Variants in GPR158 observed in about 807,000 individuals in gnomAD.
The protein encoded by GPR158 is metabotropic glycine receptor.
In GPR158, 30 loss-of-function variants were observed where a neutral mutation model predicts 78.2. That is an observed-to-expected ratio of 0.38 (90% confidence interval 0.29 to 0.52). The LOEUF is 0.52. GPR158 is among the 20% of genes least tolerant of loss of function. The pLI is 0.83. For missense variants in GPR158, 1,463 were observed against 1,523.5 expected, an observed-to-expected ratio of 0.96 and a Z score of 0.66; for synonymous variants, 581 against 591.1, an observed-to-expected ratio of 0.98 and a Z score of 0.25.
chr10:25,227,093 TGA>T (rs1417284515), intron 2 of GPR158, among the ~76,000 whole-genome samples: 1 of 152,220 alleles, frequency 6.6e-6, no homozygotes, highest in Non-Finnish European at 1.5e-5. Flanking sequence ...GGTATTTTTT[TGA>T]GTTTTCCACT....
intron 2 of GPR158, among the ~76,000 whole-genome samples, chr10:25,287,045 A>G (rs139830415): frequency 7.7e-4 from 117 of 152,088 alleles, no homozygotes; most frequent in African/African-American, 2.8e-3. Context: ...TATAGTTCTA[A>G]TTAAGCATCT....
At chr10:25,506,452 T>C (rs1836015264) in intron 5 of GPR158, among the ~76,000 whole-genome samples, 1 of 152,208 alleles carries the variant, frequency 6.6e-6, no homozygotes, top group Non-Finnish European at 1.5e-5. Flanking sequence ...TAAATAAGCA[T>C]ATGAAAATAT....
chr10:25,586,487 T>C (rs1837270596), intron 7 of GPR158, among the ~76,000 whole-genome samples: 1 of 141,096 alleles, frequency 7.1e-6, no homozygotes, highest in Admixed American at 7.8e-5. Context: ...CACTGAGGCC[T>C]CCACCTCCTG....
At chr10:25,380,819 T>C (rs181416036) in intron 2 of GPR158, among the ~76,000 whole-genome samples, 149 of 152,280 alleles carry the variant, frequency 9.8e-4, no homozygotes, top group African/African-American at 3.5e-3. Flanking sequence ...TATTGAGTGA[T>C]TATAGAGGCT....
At chr10:25,279,569 A>G (rs1271686008) in intron 2 of GPR158, among the ~76,000 whole-genome samples, 1 of 152,216 alleles carries the variant, frequency 6.6e-6, no homozygotes, top group Non-Finnish European at 1.5e-5. Flanking sequence ...ACAGTTATTT[A>G]AATTAAGACA....
chr10:25,413,724 G>A (rs559209660), intron 4 of GPR158, among the ~76,000 whole-genome samples: 58 of 152,240 alleles, frequency 3.8e-4, no homozygotes, highest in South Asian at 2.3e-3. Context: ...TAAAGCCTCT[G>A]TTGAGATTCT....
chr10:25,185,771 C>A (rs1035445739), intron 1 of GPR158, among the ~76,000 whole-genome samples: 5 of 151,506 alleles, frequency 3.3e-5, no homozygotes, highest in African/African-American at 1.2e-4. Flanking sequence ...TGCAGTGAGC[C>A]GAGATGGCAC....
Position 25,395,895 on chromosome 10 carries a change from C to T in GPR158, c.1009-16C>T, listed in dbSNP as rs775860988. ...AAGCCATGATCAACTATGTTGCTGT[C>T]TTTTCTTCTTCATAGTGTATGCCAA... On this transcript the variant is annotated splice_polypyrimidine_tract_variant and intron_variant, in intron 2 of 10. Transcript: ENST00000376351. 3.8e-6 allele frequency: 5 copies of T among 1,326,578 alleles called. No homozygotes were observed. Among genetic ancestry groups the T allele is most frequent in the Non-Finnish European group, 5.4e-6 (5 of 919,284 alleles). 82.2% of individuals were successfully genotyped at this position (1,326,578 alleles called of 1,614,324 possible). A position where few individuals can be genotyped will look rare whatever the true frequency, so the allele number is the denominator to read the frequency against.
At chr10:25,336,482 C>A (rs1320248525) in intron 2 of GPR158, among the ~76,000 whole-genome samples, 2 of 151,974 alleles carry the variant, frequency 1.3e-5, no homozygotes, top group Non-Finnish European at 2.9e-5. Context: ...TACTTTCCCC[C>A]CAGTGCCTCA....
intron 2 of GPR158, among the ~76,000 whole-genome samples, chr10:25,316,996 T>A (rs1364571884): frequency 1.3e-5 from 2 of 151,580 alleles, no homozygotes; most frequent in East Asian, 3.9e-4. Context: ...ATTATACATA[T>A]CCATTCTTTG....
At chr10:25,181,556 A>G (rs897037518) in intron 1 of GPR158, among the ~76,000 whole-genome samples, 1 of 152,172 alleles carries the variant, frequency 6.6e-6, no homozygotes, top group Non-Finnish European at 1.5e-5. Flanking sequence ...AGAAGTTGAT[A>G]CCAGCCTGGA....
chr10:25,371,948 A>G (rs1255544025), intron 2 of GPR158, among the ~76,000 whole-genome samples: 1 of 150,474 alleles, frequency 6.6e-6, no homozygotes, highest in African/African-American at 2.5e-5. Context: ...AATTTTCGCA[A>G]CCTACTCATC....
intron 2 of GPR158, among the ~76,000 whole-genome samples, chr10:25,288,583 G>T (rs1269593633): frequency 2.0e-5 from 3 of 152,208 alleles, no homozygotes; most frequent in African/African-American, 7.2e-5. Context: ...CAGCTCAAAT[G>T]ATGGAGAGGA....
intron 8 of GPR158, among the ~76,000 whole-genome samples, chr10:25,592,215 ATGAC>A (rs1837350811): frequency 6.6e-6 from 1 of 152,028 alleles, no homozygotes; most frequent in Non-Finnish European, 1.5e-5. Flanking sequence ...ATTAAAAACT[ATGAC>A]TATACATTAT....
At chr10:25,416,205 G>T (rs927578102) in intron 4 of GPR158, among the ~76,000 whole-genome samples, 3 of 152,044 alleles carry the variant, frequency 2.0e-5, no homozygotes, top group African/African-American at 4.8e-5. Context: ...TTCCCACATT[G>T]GGGGCCAAGT....
chr10:25,597,098 TC>T (rs1837418298), intron 10 of GPR158, among the ~76,000 whole-genome samples: 1 of 152,216 alleles, frequency 6.6e-6, no homozygotes, highest in Non-Finnish European at 1.5e-5. Context: ...TTAAACGTGT[TC>T]CATAATACAT....
At position 25,513,200 on chromosome 10, in the gene GPR158, T is replaced by A. The variant is rs896727392; in HGVS notation, c.1405-37776T>A. Among the ~76,000 whole-genome samples, 3 of 152,078 alleles carry A rather than the reference T, an allele frequency of 2.0e-5. No homozygotes were observed. In the East Asian group the frequency reaches 5.8e-4, roughly 29 times the overall value. On this transcript the variant is annotated intron_variant, in intron 5 of 10. Transcript: ENST00000376351. ...TTTTTTGTTGGCAATTTTTTAATTA[T>A]AATTTCAGTCTCGCTGTTTGCCATT...
At chr10:25,547,037 G>A (rs756891412) in intron 5 of GPR158, among the ~76,000 whole-genome samples, 15 of 152,252 alleles carry the variant, frequency 9.9e-5, no homozygotes, top group Middle Eastern at 3.4e-3. Flanking sequence ...CCACTGAAAG[G>A]TTCTAAGCAG....
At chr10:25,183,968 C>T (rs1365816293) in intron 1 of GPR158, among the ~76,000 whole-genome samples, 1 of 152,144 alleles carries the variant, frequency 6.6e-6, no homozygotes, top group African/African-American at 2.4e-5. Flanking sequence ...GAGGGCATGT[C>T]ATATTCAGTC....
Sources: gnomAD v4.1 joint callset for allele counts (sites outside exome capture counted in the v4.1 genomes callset) on GRCh38, gnomAD v4.1.1 for gene constraint, MANE v1.5 for transcripts, NCBI Gene and HGNC (gene_info 2026-07-23, HGNC 2026-07-21) for gene names.